The following HSPA12A variants were observed in gnomAD, a reference collection of about 807,000 sequenced individuals.
The protein encoded by HSPA12A is heat shock protein family A (Hsp70) member 12A, also known as heat shock 70 kDa protein 12A.
In HSPA12A, 28 loss-of-function variants were observed where a neutral mutation model predicts 69.2. The observed-to-expected ratio is 0.40, with a 90% CI of 0.30 to 0.55. The LOEUF is 0.55. HSPA12A is among the 20% of genes least tolerant of loss of function. The probability of loss-of-function intolerance (pLI) is 0.38; values close to 1 mark genes in which losing one functional copy is unlikely to be tolerated. For missense variants in HSPA12A, 686 were observed against 900.7 expected, an observed-to-expected ratio of 0.76 and a Z score of 3.05; for synonymous variants, 345 against 370.5, an observed-to-expected ratio of 0.93 and a Z score of 0.79.
intron 1 of HSPA12A, among the ~76,000 whole-genome samples, chr10:116,734,769 A>G (rs563129201): frequency 6.6e-6 from 1 of 151,116 alleles, no homozygotes; most frequent in African/African-American, 2.4e-5. Flanking sequence ...CGAGGAGGGC[A>G]GATCACAAGG....
intron 2 of HSPA12A, among the ~76,000 whole-genome samples, chr10:116,808,651 G>A (rs940347436): frequency 6.6e-6 from 1 of 152,114 alleles, no homozygotes; most frequent in African/African-American, 2.4e-5. Flanking sequence ...CGTGCATCCT[G>A]TTCCCCACAA....
At chr10:116,776,513 T>G (rs1159933054) in intron 2 of HSPA12A, among the ~76,000 whole-genome samples, 1 of 152,140 alleles carries the variant, frequency 6.6e-6, no homozygotes, top group Non-Finnish European at 1.5e-5. Context: ...TCAGAAAATT[T>G]TTTTTTTCTT....
At chr10:116,692,170 G>A (rs1554880201) in intron 6 of HSPA12A, among the ~76,000 whole-genome samples, 181 bp downstream of exon 6, 1 of 152,182 alleles carries the variant, frequency 6.6e-6, no homozygotes, top group Non-Finnish European at 1.5e-5. Context: ...TCCCCCAGGA[G>A]GAAGCTGAGG....
intron 2 of HSPA12A, among the ~76,000 whole-genome samples, chr10:116,787,116 A>C (rs1379082683): frequency 6.6e-6 from 1 of 151,982 alleles, no homozygotes; most frequent in East Asian, 1.9e-4. Flanking sequence ...TTCTGACTGC[A>C]GTCAAGATTG....
chr10:116,767,078 G>A (rs1394697226), intron 2 of HSPA12A, among the ~76,000 whole-genome samples: 1 of 152,164 alleles, frequency 6.6e-6, no homozygotes, highest in Non-Finnish European at 1.5e-5. Flanking sequence ...GTGGAGGGCT[G>A]CAGGCCTCTG....
At chr10:116,808,932 C>T (rs1329183869) in intron 2 of HSPA12A, among the ~76,000 whole-genome samples, 4 of 152,200 alleles carry the variant, frequency 2.6e-5, no homozygotes, top group African/African-American at 9.6e-5. Context: ...AATTCAGTAT[C>T]ACGCCCCCAG....
At chr10:116,744,376 G>T (rs1474895163), upstream of HSPA12A, among the ~76,000 whole-genome samples, 2 of 152,166 alleles carry the variant, frequency 1.3e-5, no homozygotes, top group Admixed American at 6.5e-5. Flanking sequence ...CAAGGCACTC[G>T]TTCCTCCCCA....
intron 2 of HSPA12A, among the ~76,000 whole-genome samples, chr10:116,779,783 G>A (rs1352346698): frequency 6.6e-6 from 1 of 152,136 alleles, no homozygotes; most frequent in Non-Finnish European, 1.5e-5. Flanking sequence ...AATGTGAAGG[G>A]AAAACAGGGT....
At chr10:116,778,601 G>T (rs927077789) in intron 2 of HSPA12A, among the ~76,000 whole-genome samples, 69 of 152,112 alleles carry the variant, frequency 4.5e-4, no homozygotes, top group African/African-American at 1.6e-3. Context: ...CCCAAGCCTG[G>T]CTTCATCAGA....
In HSPA12A at chr10:116,672,470, C is replaced by T. The variant is rs1554876867; in HGVS notation, c.*2311G>A. The T allele has an allele frequency of 6.6e-6, 1 of 152,172 alleles. No individual in the cohort carries two copies. Among genetic ancestry groups the T allele is most frequent in the East Asian group, 1.9e-4 (1 of 5,180 alleles). 9.4% of individuals were successfully genotyped at this position (152,172 alleles called of 1,614,324 possible). On this transcript the variant is annotated 3_prime_UTR_variant, in exon 12 of 12. Transcript: ENST00000369209. Reference sequence around the variant, plus strand: ...TGATGAGGCTCCTGATCCAGGCGGTCCACGTGCGTTCAGTGTGTTTGGACC... The same window carrying T: ...TGATGAGGCTCCTGATCCAGGCGGTTCACGTGCGTTCAGTGTGTTTGGACC...
chr10:116,697,143 C>T (rs1849930574), intron 5 of HSPA12A, among the ~76,000 whole-genome samples: 1 of 152,238 alleles, frequency 6.6e-6, no homozygotes, highest in Admixed American at 6.5e-5. Flanking sequence ...CATGTTCTCA[C>T]TTCTTCTTTG....
chr10:116,838,797 A>C (rs1239959556), intron 1 of HSPA12A, among the ~76,000 whole-genome samples: 3 of 152,260 alleles, frequency 2.0e-5, no homozygotes, highest in Non-Finnish European at 4.4e-5. Context: ...TTCTGTGTCA[A>C]GGCACAGCCG....
chr10:116,741,219 C>T (rs1309357972), intron 1 of HSPA12A, among the ~76,000 whole-genome samples: 10 of 152,178 alleles, frequency 6.6e-5, no homozygotes, highest in Non-Finnish European at 1.5e-4. Flanking sequence ...TCCGCAGGAA[C>T]AATGGGCTGG....
intron 1 of HSPA12A, among the ~76,000 whole-genome samples, chr10:116,708,533 T>C (rs1850329163): frequency 6.6e-6 from 1 of 152,078 alleles, no homozygotes; most frequent in Non-Finnish European, 1.5e-5. Flanking sequence ...ATCATTACAG[T>C]GGGCACCAAA....
rs181117653 is a variant in HSPA12A at position 116,757,826 on chromosome 10, G to C, written c.92-50541C>G. Among the ~76,000 whole-genome samples, 178 of 152,332 alleles carry C rather than the reference G, an allele frequency of 1.2e-3. 1 individual carries two copies. The highest frequency in any genetic ancestry group is 4.2e-3 in the African/African-American group (175 of 41,582). ...AAGGATTGTCAGCTGCTATTGATTA[G>C]AGACTGAGCGACCTATTAGAATGGC... On this transcript the variant is annotated intron_variant, in intron 2 of 12. Coordinates refer to the HSPA12A transcript ENST00000635765.
At chr10:116,807,985 C>A (rs1248217066) in intron 2 of HSPA12A, among the ~76,000 whole-genome samples, 1 of 152,218 alleles carries the variant, frequency 6.6e-6, no homozygotes, top group African/African-American at 2.4e-5. Flanking sequence ...CTGCTACAGT[C>A]TAACAGGCTT....
intron 1 of HSPA12A, among the ~76,000 whole-genome samples, chr10:116,724,782 G>A (rs1244531451): frequency 3.3e-5 from 5 of 152,148 alleles, no homozygotes; most frequent in African/African-American, 7.2e-5. Flanking sequence ...GGTGCCCTGC[G>A]GCCCAGAGCC....
chr10:116,778,478 C>T (rs1554891391), intron 2 of HSPA12A, among the ~76,000 whole-genome samples: 1 of 152,196 alleles, frequency 6.6e-6, no homozygotes. Context: ...GTCCCTCCCT[C>T]AGAGAGAACC....
intron 2 of HSPA12A, among the ~76,000 whole-genome samples, chr10:116,821,155 C>G (rs929543627): frequency 6.6e-6 from 1 of 152,178 alleles, no homozygotes; most frequent in Non-Finnish European, 1.5e-5. Context: ...TGGGATCTTT[C>G]AAAAATATAA....
Sources: gnomAD v4.1 joint callset for allele counts (sites outside exome capture counted in the v4.1 genomes callset) on GRCh38, gnomAD v4.1.1 for gene constraint, MANE v1.5 for transcripts, NCBI Gene and HGNC (gene_info 2026-07-23, HGNC 2026-07-21) for gene names.